ADAMTS10: variants seen among roughly 807,000 people sequenced by gnomAD.
The protein encoded by ADAMTS10 is ADAM metallopeptidase with thrombospondin type 1 motif 10.
Under a neutral mutation model 135.9 loss-of-function variants are expected in ADAMTS10, and 48 were observed. The ratio of observed to expected loss-of-function variants is 0.35; its 90% confidence interval spans 0.28 to 0.45. ADAMTS10 has a LOEUF of 0.45. Ranked by LOEUF, ADAMTS10 falls within the 20% of genes least tolerant of loss-of-function variation. The probability of loss-of-function intolerance (pLI) is 1.00; values close to 1 mark genes in which losing one functional copy is unlikely to be tolerated. For synonymous variants in ADAMTS10, 621 were observed against 647.5 expected, an observed-to-expected ratio of 0.96 and a Z score of 0.62; for missense variants, 1,131 against 1,565.2, an observed-to-expected ratio of 0.72 and a Z score of 4.68.
In ADAMTS10 at chr19:8,580,596, A is replaced by C; in HGVS notation, c.*297T>G. The C allele has an allele frequency of 5.0e-6, 2 of 397,706 alleles. No homozygotes were observed. Among genetic ancestry groups the C allele is most frequent in the South Asian group, 4.3e-5 (2 of 46,148 alleles). 24.6% of individuals were successfully genotyped at this position (397,706 alleles called of 1,614,324 possible). ...GGGGGGGAGTGTTGGGGACTCCCTA[A>C]GGGTGGGTTCAAAGGGTGCTGGGGT... On this transcript the variant is annotated 3_prime_UTR_variant, in exon 26 of 26. Coordinates refer to ENST00000597188, the MANE Select transcript of ADAMTS10 (RefSeq NM_030957.4).
rs2042738800 is a variant in ADAMTS10, at chr19:8,607,913, CG to C, written c.-100+220del. Among the ~76,000 whole-genome samples the C allele has an allele frequency of 0.026, 126 of 4,772 alleles. 1 individual carries two copies. The Non-Finnish European group carries it at 0.3, about 11-fold the overall frequency. The allele number at this position is 4,772 out of a possible 152,430, so 3.1% of individuals were successfully genotyped here. On this transcript the variant is annotated intron_variant, in intron 2 of 25. Coordinates refer to ENST00000597188, the MANE Select transcript of ADAMTS10 (RefSeq NM_030957.4). ...GCAACCTCTGTCTCTCGGGTTCAAGCGATTCTCCTGCTTCAGCCTCCCGAGT... is the reference window on the plus strand; with the variant it reads ...GCAACCTCTGTCTCTCGGGTTCAAGCATTCTCCTGCTTCAGCCTCCCGAGT...
intron 5 of ADAMTS10, among the ~76,000 whole-genome samples, chr19:8,603,385 C>T (rs1374930709): frequency 5.3e-5 from 8 of 152,304 alleles, no homozygotes; most frequent in Admixed American, 3.9e-4. Flanking sequence ...AGTGATTCTC[C>T]TGCCTCAGCC....
chr19:8,592,830 C>T lies in ADAMTS10; in HGVS notation c.1520G>A (p.Arg507Gln), dbSNP rs539637961. ...GGCCGGGATGCTGTTGGTGATGCAC[C>T]GGTTGCTCTTGCTCAGACACCACAG... Reference protein sequence around the residue: ...SELWCLSKSNRCITNSIPAAE... With the variant: ...SELWCLSKSNQCITNSIPAAE... The change falls in exon 13 of 26, where the codon CGG becomes CAG. Residue 507 changes from arginine (R) to glutamine (Q), a missense_variant. Coordinates refer to ENST00000597188, the MANE Select transcript of ADAMTS10 (RefSeq NM_030957.4). 1.5e-5 allele frequency: 25 copies of T among 1,613,028 alleles called. No homozygotes were observed. In the South Asian group the frequency reaches 2.4e-4, roughly 16 times the overall value.
intron 6 of ADAMTS10, among the ~76,000 whole-genome samples, chr19:8,599,669 A>T (rs571717116): frequency 6.6e-6 from 1 of 151,476 alleles, no homozygotes; most frequent in African/African-American, 2.4e-5. Flanking sequence ...TGAATGAATG[A>T]CAGGGATTAT....
At chr19:8,586,062 T>C (rs1045293806) in intron 22 of ADAMTS10, 60 bp downstream of exon 22, 11 of 1,610,750 alleles carry the variant, frequency 6.8e-6, no homozygotes, top group South Asian at 5.5e-5. Flanking sequence ...GCACTCGCTC[T>C]TGACTCCAGG....
At chr19:8,603,610 G>C in intron 5 of ADAMTS10, 118 bp downstream of exon 5, 2 of 1,448,408 alleles carry the variant, frequency 1.4e-6, no homozygotes, top group Non-Finnish European at 1.9e-6. Flanking sequence ...CCCCTTCTCA[G>C]CAGCTCCATT....
intron 13 of ADAMTS10, 44 bp downstream of exon 13, chr19:8,592,719 G>A: frequency 6.4e-7 from 1 of 1,567,668 alleles, no homozygotes; most frequent in Non-Finnish European, 8.6e-7. Flanking sequence ...GCGGGAGGTG[G>A]CTCAGGGGGC....
chr19:8,598,584 T>G (rs1429034239), intron 6 of ADAMTS10, among the ~76,000 whole-genome samples: 1 of 140,252 alleles, frequency 7.1e-6, no homozygotes, highest in Admixed American at 7.1e-5. Flanking sequence ...TTTTTTTTTT[T>G]TTTTTTTTTG....
intron 12 of ADAMTS10, 117 bp from the exon 13 acceptor site, chr19:8,592,987 G>T (rs34134669): frequency 3.0e-5 from 28 of 930,828 alleles, no homozygotes; most frequent in Non-Finnish European, 4.5e-5. Flanking sequence ...CAGAGAGCCC[G>T]GTGCTCCCTT....
intron 1 of ADAMTS10, among the ~76,000 whole-genome samples, chr19:8,609,002 A>G (rs10401300): frequency 0.16 from 23,373 of 143,774 alleles, 4,506 homozygotes; most frequent in African/African-American, 0.47. Context: ...CCAGGGCACC[A>G]GGTGGTGGGG....
intron 12 of ADAMTS10, 64 bp downstream of exon 12, chr19:8,595,698 T>TGCCGGCCCC: frequency 3.1e-6 from 4 of 1,291,942 alleles, no homozygotes; most frequent in Non-Finnish European, 4.3e-6. Context: ...CTGGTGGAGT[T>TGCCGGCCCC]CCCTCCCCCA....
Position 8,595,781 on chromosome 19 carries a change from G to A in ADAMTS10, c.1460C>T (p.Ser487Leu). 6.2e-7 allele frequency: 1 copy of A among 1,601,280 alleles called. No homozygotes were observed. Among genetic ancestry groups the A allele is most frequent in the Non-Finnish European group, 8.5e-7 (1 of 1,171,960 alleles). Reference sequence around the variant, plus strand: ...CTCTACCCCGTATTTACACTGACGCGATTTGACTCCATGCTGAAAGCGGCA... The same window carrying A: ...CTCTACCCCGTATTTACACTGACGCAATTTGACTCCATGCTGAAAGCGGCA... ...EQCRFQHGVK[S>L]RQCKYGEVCS... The change falls in exon 12 of 26, where the codon TCG (serine) becomes TTG (leucine). Residue 487 changes from serine to leucine, a missense_variant. Ser to Leu is a moderately radical substitution (Grantham distance 145, BLOSUM62 -2). Transcript: ENST00000597188.
At chr19:8,584,825 C>T (rs2042401111) in intron 25 of ADAMTS10, 70 bp downstream of exon 25, 1 of 1,535,862 alleles carries the variant, frequency 6.5e-7, no homozygotes, top group Non-Finnish European at 8.8e-7. Flanking sequence ...GAAGTCAGGA[C>T]CCCCAATGCC....
At chr19:8,600,492 TTTCTTTTC>T (rs2042651643) in intron 6 of ADAMTS10, among the ~76,000 whole-genome samples, 1 of 138,946 alleles carries the variant, frequency 7.2e-6, no homozygotes, top group African/African-American at 2.9e-5. Context: ...TTTTCTTTTC[TTTCTTTTC>T]TTTTTTTTTT....
Position 8,596,561 on chromosome 19 carries a change from G to A in ADAMTS10, c.1065C>T (p.Asn355=). 1 of 1,613,734 alleles carries A rather than the reference G, an allele frequency of 6.2e-7. No homozygotes were observed. Among genetic ancestry groups the A allele is most frequent in the Non-Finnish European group, 8.5e-7 (1 of 1,180,008 alleles). Residue 355 remains asparagine (N), a synonymous_variant, in exon 9 of 26, where the codon AAC becomes AAT. Transcript: ENST00000597188. This position sits in a 1 kb window ranked among gnomAD's most constrained non-coding sequence, Gnocchi z 7.2. ...ITRYDICIYK[N]KPCGTLGLAP... ...GGGTACCTAGTGTGCCGCAGGGTTTGTTCTTGTAGATGCAGATGTCATAGC... is the reference window on the plus strand; with the variant it reads ...GGGTACCTAGTGTGCCGCAGGGTTTATTCTTGTAGATGCAGATGTCATAGC...
intron 2 of ADAMTS10, among the ~76,000 whole-genome samples, 169 bp downstream of exon 2, chr19:8,607,965 C>A (rs182198185): frequency 6.6e-6 from 1 of 152,110 alleles, no homozygotes; most frequent in Admixed American, 6.6e-5. Flanking sequence ...TGTGCGCCAC[C>A]ATGCCCAGCT....
intron 25 of ADAMTS10, chr19:8,582,599 G>C (rs545218712): frequency 6.6e-6 from 1 of 152,292 alleles, no homozygotes; most frequent in Admixed American, 6.5e-5. Flanking sequence ...ACTATGGATG[G>C]ATATGAGCTT....
chr19:8,603,828 C>G lies in ADAMTS10; in HGVS notation c.492G>C (p.Gly164=). ...EEYLIEPLHG[G]PKGSRSPEES... ...CCTCCGGGCTCCGAGAACCCTTGGGCCCACCGTGCAGGGGCTCAATCAGGT... is the reference window on the plus strand; with the variant it reads ...CCTCCGGGCTCCGAGAACCCTTGGGGCCACCGTGCAGGGGCTCAATCAGGT... The change falls in exon 5 of 26, where the codon GGG becomes GGC. Residue 164 remains glycine, a synonymous_variant. Transcript: ENST00000597188. 1 of 1,614,040 alleles carries G rather than the reference C, an allele frequency of 6.2e-7. No homozygotes were observed. Among genetic ancestry groups the G allele is most frequent in the East Asian group, 2.2e-5 (1 of 44,866 alleles).
At chr19:8,600,503 T>C (rs1568404173) in intron 6 of ADAMTS10, among the ~76,000 whole-genome samples, 4 of 84,094 alleles carry the variant, frequency 4.8e-5, no homozygotes, top group East Asian at 6.1e-3. Context: ...TTCTTTTCTT[T>C]TTTTTTTTTT....
Sources: gnomAD v4.1 joint callset for allele counts (sites outside exome capture counted in the v4.1 genomes callset) on GRCh38, gnomAD v4.1.1 for gene constraint, Gnocchi (gnomAD v3.1) non-coding constraint, MANE v1.5 for transcripts, NCBI Gene and HGNC (gene_info 2026-07-23, HGNC 2026-07-21) for gene names.